The following TENM2 variants were observed in gnomAD, a reference collection of about 807,000 sequenced individuals.
The protein encoded by TENM2 is teneurin-2.
Under a neutral mutation model 245.2 loss-of-function variants are expected in TENM2, and 52 were observed. The observed-to-expected ratio is 0.21, with a 90% confidence interval of 0.17 to 0.27. The LOEUF (loss-of-function observed/expected upper bound fraction) is 0.27. Ranked by LOEUF, TENM2 falls within the 10% of genes least tolerant of loss-of-function variation. The pLI, the probability that TENM2 is intolerant of heterozygous loss-of-function variation, is 1.00. For synonymous variants in TENM2, 1,363 were observed against 1,438.9 expected, an observed-to-expected ratio of 0.95 and a Z score of 1.19; for missense variants, 3,046 against 3,666.8, an observed-to-expected ratio of 0.83 and a Z score of 4.37.
intron 5 of TENM2, among the ~76,000 whole-genome samples, chr5:168,031,597 G>A (rs1167549116): frequency 8.0e-5 from 12 of 150,794 alleles, no homozygotes; most frequent in Non-Finnish European, 1.6e-4. Context: ...GAGGGTCTGG[G>A]AGGAAAGAAA....
chr5:167,931,078 C>G (rs1583405734), intron 3 of TENM2, among the ~76,000 whole-genome samples: 1 of 152,288 alleles, frequency 6.6e-6, no homozygotes, highest in East Asian at 1.9e-4. Context: ...AAGATAACAC[C>G]CTTTGCCCCT....
At chr5:168,188,606 A>G (rs1562261002) in intron 13 of TENM2, among the ~76,000 whole-genome samples, 1 of 152,226 alleles carries the variant, frequency 6.6e-6, no homozygotes, top group Non-Finnish European at 1.5e-5. Flanking sequence ...TATAAAATTA[A>G]TAAGACATCA....
intron 27 of TENM2, among the ~76,000 whole-genome samples, chr5:168,250,212 G>A (rs1394078979): frequency 6.6e-6 from 1 of 151,864 alleles, no homozygotes; most frequent in African/African-American, 2.4e-5. Context: ...AGGTGGATGG[G>A]TGGGTGAATG....
At chr5:167,629,005 T>C (rs1262044040) in intron 2 of TENM2, among the ~76,000 whole-genome samples, 2 of 152,184 alleles carry the variant, frequency 1.3e-5, no homozygotes, top group Non-Finnish European at 2.9e-5. Context: ...ATTATCATAA[T>C]TTATTAAGTG....
chr5:168,078,667 C>A (rs1791700250), intron 7 of TENM2, among the ~76,000 whole-genome samples: 1 of 152,174 alleles, frequency 6.6e-6, no homozygotes, highest in African/African-American at 2.4e-5. Flanking sequence ...GTTTTCCCAG[C>A]ACCATTTATT....
the TENM2 span, among the ~76,000 whole-genome samples, chr5:167,102,691 C>G: frequency 6.6e-6 from 1 of 152,228 alleles, no homozygotes; most frequent in Non-Finnish European, 1.5e-5. Context: ...CATAGCCTCG[C>G]TCTGTTGCTC....
At chr5:167,614,712 AT>A (rs1286102128) in intron 2 of TENM2, among the ~76,000 whole-genome samples, 2 of 152,134 alleles carry the variant, frequency 1.3e-5, no homozygotes, top group Non-Finnish European at 2.9e-5. Context: ...ATGAGCAAGA[AT>A]GTGTGGCCTA....
intron 4 of TENM2, among the ~76,000 whole-genome samples, chr5:167,959,293 C>T (rs1337730774): frequency 6.6e-6 from 1 of 151,298 alleles, no homozygotes; most frequent in Non-Finnish European, 1.5e-5. Context: ...CTCCCAGGTT[C>T]ACGCCATTCT....
In TENM2 at chr5:168,262,725, T is replaced by C; in HGVS notation, c.8240T>C (p.Val2747Ala). ...GTGCAAGGGTACGAGGGATATTACG[T>C]GCTTCCCGTGGAGCAATACCCAGAG... Residue 2747 changes from valine to alanine, a missense_variant, in exon 29 of 29, where the codon GTG becomes GCG. Val to Ala is a moderately conservative substitution (Grantham distance 64, BLOSUM62 0). Transcript: ENST00000518659. 2.5e-6 allele frequency: 4 copies of C among 1,611,180 alleles called. No homozygotes were observed. In the African/African-American group the frequency reaches 5.3e-5, roughly 21 times the overall value.
At chr5:167,129,236 T>C in the TENM2 span, among the ~76,000 whole-genome samples, 1 of 152,126 alleles carries the variant, frequency 6.6e-6, no homozygotes, top group African/African-American at 2.4e-5. Flanking sequence ...GTGAGCATGC[T>C]GGAGGCCGGG....
chr5:167,979,954 T>G (rs567164045), intron 4 of TENM2, among the ~76,000 whole-genome samples: 1 of 152,292 alleles, frequency 6.6e-6, no homozygotes, highest in East Asian at 1.9e-4. Flanking sequence ...AGAGAGAAAC[T>G]TTTTACATTC....
the TENM2 span, among the ~76,000 whole-genome samples, chr5:167,106,928 C>G: frequency 1.3e-5 from 2 of 151,422 alleles, no homozygotes; most frequent in South Asian, 2.1e-4. Flanking sequence ...ATGCAACAAA[C>G]AAAAAGAAAA....
At chr5:167,688,415 T>C (rs1017475786) in intron 2 of TENM2, among the ~76,000 whole-genome samples, 2 of 152,346 alleles carry the variant, frequency 1.3e-5, no homozygotes, top group Admixed American at 6.5e-5. Flanking sequence ...TTGTTGGGCA[T>C]GTAGACTGCA....
chr5:166,979,849 T>C, the TENM2 span, among the ~76,000 whole-genome samples: 4 of 152,160 alleles, frequency 2.6e-5, no homozygotes, highest in South Asian at 6.2e-4. Context: ...CCGGTTTCTC[T>C]CTAATGTTCA....
At position 167,452,444 on chromosome 5, in the gene TENM2, A is replaced by G. The variant is rs1765641622; in HGVS notation, c.502+76971A>G. ...TTGGGAACAGAAGTCCAGAGGAAAG[A>G]TGTGGGTTTCCCAGGGCGACAGCCA... On this transcript the variant is annotated intron_variant, in intron 2 of 28. Coordinates refer to ENST00000518659, the Ensembl canonical transcript of TENM2. 2.0e-5 allele frequency among the ~76,000 whole-genome samples: 3 copies of G among 152,198 alleles called. No individual in the cohort carries two copies. In the South Asian group the frequency reaches 6.2e-4, roughly 31 times the overall value.
intron 3 of TENM2, among the ~76,000 whole-genome samples, chr5:167,905,526 G>A (rs967239970): frequency 2.6e-5 from 4 of 152,084 alleles, no homozygotes; most frequent in Admixed American, 1.3e-4. Context: ...GGGGGCTAGG[G>A]GTAGAGGAAG....
At chr5:167,352,797 G>A (rs755475485) in intron 1 of TENM2, among the ~76,000 whole-genome samples, 4 of 152,102 alleles carry the variant, frequency 2.6e-5, no homozygotes, top group African/African-American at 4.8e-5. Flanking sequence ...TGTCAAAGTC[G>A]GCATTAACGC....
intron 5 of TENM2, among the ~76,000 whole-genome samples, chr5:168,003,309 AC>A (rs746183457): frequency 0.27 from 8,115 of 29,960 alleles, 275 homozygotes; most frequent in East Asian, 0.46. Context: ...AAGAAAAAAC[AC>A]ACACACACAC....
At chr5:167,131,845 C>T in the TENM2 span, among the ~76,000 whole-genome samples, 6 of 152,028 alleles carry the variant, frequency 3.9e-5, no homozygotes, top group South Asian at 2.1e-4. Context: ...TTTTCTGAGA[C>T]GGAGTCTTAC....
Sources: gnomAD v4.1 joint callset for allele counts (sites outside exome capture counted in the v4.1 genomes callset) on GRCh38, gnomAD v4.1.1 for gene constraint, MANE v1.5 for transcripts, NCBI Gene and HGNC (gene_info 2026-07-23, HGNC 2026-07-21) for gene names.